PTPRT: variants seen among roughly 807,000 people sequenced by gnomAD.
PTPRT encodes the protein receptor-type tyrosine-protein phosphatase T.
In PTPRT, 56 loss-of-function variants were observed where a neutral mutation model predicts 176.8. The ratio of observed to expected loss-of-function variants is 0.32; its 90% confidence interval spans 0.26 to 0.40. The LOEUF is 0.40. Among genes scored for constraint, PTPRT ranks in the 10% least tolerant of loss-of-function variants. PTPRT has a pLI of 1.00. For synonymous variants in PTPRT, 783 were observed against 739.0 expected, an observed-to-expected ratio of 1.06 and a Z score of -0.96; for missense variants, 1,540 against 1,908.2, an observed-to-expected ratio of 0.81 and a Z score of 3.60.
chr20:43,108,179 G>A (rs113739444), intron 1 of PTPRT, among the ~76,000 whole-genome samples: 3 of 152,174 alleles, frequency 2.0e-5, no homozygotes, highest in African/African-American at 7.2e-5. Flanking sequence ...GCTGGCTCCA[G>A]GCATACCTCT....
At chr20:42,696,622 A>G (rs1406683214) in intron 6 of PTPRT, among the ~76,000 whole-genome samples, 1 of 151,684 alleles carries the variant, frequency 6.6e-6, no homozygotes, top group East Asian at 1.9e-4. Context: ...CACCCGGCTA[A>G]TTTTTTGTAT....
intron 1 of PTPRT, among the ~76,000 whole-genome samples, chr20:42,935,000 C>T (rs1013373259): frequency 1.3e-4 from 20 of 150,282 alleles, no homozygotes; most frequent in African/African-American, 4.9e-4. Context: ...TCACTTGAAC[C>T]CAGGAGGTGG....
chr20:42,331,391 A>T lies in PTPRT; in HGVS notation c.1866-15395T>A, dbSNP rs117802300. Among the ~76,000 whole-genome samples the T allele has an allele frequency of 2.8e-3, 412 of 149,300 alleles. 19 individuals carry two copies. In the East Asian group the frequency reaches 0.078, roughly 28 times the overall value. On this transcript the variant is annotated intron_variant, in intron 11 of 30. Transcript: ENST00000373187. The stretch of plus-strand genomic sequence containing the variant: ...ACAAAGACATTTGCTTAAGGAAAGG[A>T]AAGTATCAGGTGAAATCTCTCTGAA...
chr20:43,114,637 T>C (rs781160510), intron 1 of PTPRT, among the ~76,000 whole-genome samples: 2 of 152,216 alleles, frequency 1.3e-5, no homozygotes, highest in Non-Finnish European at 2.9e-5. Context: ...TAGAAGCTCA[T>C]ATTATAGAGA....
At chr20:42,683,725 A>G (rs966237074) in intron 6 of PTPRT, among the ~76,000 whole-genome samples, 15 of 152,346 alleles carry the variant, frequency 9.8e-5, no homozygotes, top group Admixed American at 1.3e-4. Context: ...CTGTTTTCAT[A>G]CAATAATGGA....
chr20:42,438,175 G>A (rs1215090595), intron 9 of PTPRT, among the ~76,000 whole-genome samples: 1 of 152,170 alleles, frequency 6.6e-6, no homozygotes, highest in Admixed American at 6.5e-5. Context: ...GAAACATGAA[G>A]AAAGCCCACG....
chr20:42,454,764 A>G lies in PTPRT; in HGVS notation c.1451-6435T>C, dbSNP rs564908071. Among the ~76,000 whole-genome samples the G allele has an allele frequency of 3.3e-5, 5 of 152,322 alleles. 1 individual carries two copies. Among genetic ancestry groups the G allele is most frequent in the African/African-American group, 9.6e-5 (4 of 41,568 alleles). ...TCTTAATTTTAATGTACTCAAATTG[A>G]TCAGATTTTAGTTTTTGTATGGGAG... is the stretch of plus-strand genomic sequence containing the variant. On this transcript the variant is annotated intron_variant, in intron 8 of 30. Coordinates refer to ENST00000373187, the MANE Select transcript of PTPRT (RefSeq NM_007050.6).
chr20:42,601,812 C>G (rs1480984285), intron 7 of PTPRT, among the ~76,000 whole-genome samples: 1 of 152,120 alleles, frequency 6.6e-6, no homozygotes, highest in African/African-American at 2.4e-5. Context: ...TGTAAACGAG[C>G]ATGTTTAGGT....
intron 1 of PTPRT, among the ~76,000 whole-genome samples, chr20:43,019,100 A>G (rs761809325): frequency 1.3e-5 from 2 of 152,252 alleles, no homozygotes; most frequent in African/African-American, 4.8e-5. Flanking sequence ...ATTATACTAT[A>G]TCTAGGTAAT....
intron 27 of PTPRT, among the ~76,000 whole-genome samples, chr20:42,087,836 G>C (rs1222039855): frequency 7.8e-6 from 1 of 128,516 alleles, no homozygotes; most frequent in African/African-American, 2.8e-5. Context: ...TCACGCCACT[G>C]TACTCCAACC....
intron 9 of PTPRT, among the ~76,000 whole-genome samples, chr20:42,421,554 G>T (rs1408462326): frequency 6.6e-6 from 1 of 152,072 alleles, no homozygotes; most frequent in African/African-American, 2.4e-5. Flanking sequence ...CAGGGTGTGT[G>T]TGTGTGTTTG....
intron 7 of PTPRT, among the ~76,000 whole-genome samples, chr20:42,544,477 C>A (rs561435775): frequency 6.6e-6 from 1 of 152,308 alleles, no homozygotes; most frequent in South Asian, 2.1e-4. Context: ...GGGAATGCTG[C>A]GGCTGGTTTG....
At chr20:42,914,428 C>T (rs1978596823) in intron 1 of PTPRT, among the ~76,000 whole-genome samples, 1 of 152,202 alleles carries the variant, frequency 6.6e-6, no homozygotes, top group Non-Finnish European at 1.5e-5. Flanking sequence ...GTGGTCTCCA[C>T]AGTCCGTGGA....
chr20:42,452,869 C>A (rs1412786824), intron 8 of PTPRT, among the ~76,000 whole-genome samples: 1 of 152,116 alleles, frequency 6.6e-6, no homozygotes, highest in Non-Finnish European at 1.5e-5. Flanking sequence ...ACTGTGTATA[C>A]CATACATGGT....
intron 16 of PTPRT, among the ~76,000 whole-genome samples, chr20:42,173,031 C>T (rs1230821147): frequency 1.1e-4 from 16 of 152,188 alleles, no homozygotes; most frequent in Admixed American, 1.0e-3. Context: ...GTCATACATG[C>T]TGTGCACTGT....
At chr20:43,149,595 C>G (rs748483531) in intron 1 of PTPRT, among the ~76,000 whole-genome samples, 6 of 152,184 alleles carry the variant, frequency 3.9e-5, no homozygotes, top group Non-Finnish European at 8.8e-5. Context: ...GCAACTGAAC[C>G]TCTCAGAACT....
At chr20:42,183,709 T>C (rs1196514344) in intron 16 of PTPRT, among the ~76,000 whole-genome samples, 1 of 152,206 alleles carries the variant, frequency 6.6e-6, no homozygotes. Flanking sequence ...TCTTCCTATA[T>C]GCATATGCCA....
chr20:42,385,798 A>C (rs557523467), intron 9 of PTPRT, among the ~76,000 whole-genome samples: 1 of 152,256 alleles, frequency 6.6e-6, no homozygotes, highest in East Asian at 1.9e-4. Context: ...CACTACCATG[A>C]GAACAGTATG....
chr20:42,900,812 A>C (rs535673324), intron 1 of PTPRT, among the ~76,000 whole-genome samples: 2 of 151,908 alleles, frequency 1.3e-5, no homozygotes, highest in Non-Finnish European at 2.9e-5. Flanking sequence ...GCTCTGTGCT[A>C]AAGGGTAGAA....
Sources: allele counts gnomAD v4.1 joint callset (sites outside exome capture counted in the v4.1 genomes callset), GRCh38; gene constraint gnomAD v4.1.1; transcripts MANE v1.5; gene names NCBI Gene and HGNC (gene_info 2026-07-23, HGNC 2026-07-21).